Variants in IKZF5 observed in about 807,000 individuals in gnomAD.
The protein encoded by IKZF5 is IKAROS family zinc finger 5, also known as zinc finger protein Pegasus.
A neutral mutation model predicts 30.7 loss-of-function variants in IKZF5; 4 were observed. The observed-to-expected ratio is 0.13, with a 90% confidence interval of 0.06 to 0.30. The LOEUF is 0.30. Ranked by LOEUF, IKZF5 falls within the 10% of genes least tolerant of loss-of-function variation. IKZF5 has a pLI of 1.00. For synonymous variants in IKZF5, 148 were observed against 179.6 expected, an observed-to-expected ratio of 0.82 and a Z score of 1.41; for missense variants, 348 against 525.5, an observed-to-expected ratio of 0.66 and a Z score of 3.30.
At chr10:123,007,390 C>T (rs1257761932) in intron 1 of IKZF5, among the ~76,000 whole-genome samples, 1 of 152,192 alleles carries the variant, frequency 6.6e-6, no homozygotes, top group East Asian at 1.9e-4. Flanking sequence ...GGTGTGACTA[C>T]CGTTTTCTCA....
At chr10:123,005,436 A>C (rs549510491) in intron 2 of IKZF5, among the ~76,000 whole-genome samples, 2 of 152,366 alleles carry the variant, frequency 1.3e-5, no homozygotes, top group East Asian at 3.9e-4. Context: ...TAGCCAAAAA[A>C]TTACTTACTT....
intron 2 of IKZF5, among the ~76,000 whole-genome samples, chr10:123,006,393 CAT>C (rs1470892147): frequency 6.6e-6 from 1 of 152,138 alleles, no homozygotes; most frequent in African/African-American, 2.4e-5. Flanking sequence ...CACACAATTA[CAT>C]GTGTGTATAT....
At chr10:123,004,981 G>A (rs932978770) in intron 2 of IKZF5, among the ~76,000 whole-genome samples, 6 of 152,052 alleles carry the variant, frequency 3.9e-5, no homozygotes, top group Non-Finnish European at 5.9e-5. Context: ...ATAATAAATT[G>A]AAAAATAGTA....
chr10:122,996,929 A>G (rs995401160), intron 3 of IKZF5, among the ~76,000 whole-genome samples: 1 of 152,158 alleles, frequency 6.6e-6, no homozygotes, highest in African/African-American at 2.4e-5. Context: ...AGCAGTGAAT[A>G]AGTTTTCCAC....
intron 3 of IKZF5, chr10:122,998,255 G>C (rs1589717988): frequency 2.8e-6 from 1 of 353,952 alleles, no homozygotes; most frequent in East Asian, 4.5e-5. Flanking sequence ...TGGAGGACAG[G>C]AAGGGTATTT....
chr10:123,001,284 A>G lies in IKZF5; in HGVS notation c.-46-2613T>C, dbSNP rs551243181. 3.9e-5 allele frequency among the ~76,000 whole-genome samples: 6 copies of G among 152,082 alleles called. No homozygotes were observed. In the South Asian group the frequency reaches 1.2e-3, roughly 32 times the overall value. On this transcript the variant is annotated intron_variant, in intron 2 of 4. Coordinates refer to ENST00000368886, the MANE Select transcript of IKZF5 (RefSeq NM_001372123.1). ...GCCTCCCAAAGGGCTGGGATTACAG[A>G]CGTGAGCCACTGCGCCCGGCCTTCA...
At position 122,993,642 on chromosome 10, in the gene IKZF5, A is replaced by G; in HGVS notation, c.*138T>C. 1 of 535,200 alleles carries G rather than the reference A, an allele frequency of 1.9e-6. No individual in the cohort carries two copies. Among genetic ancestry groups the G allele is most frequent in the Non-Finnish European group, 3.2e-6 (1 of 315,968 alleles). The allele number at this position is 535,200 out of a possible 1,614,324, so 33.2% of individuals were successfully genotyped here. On this transcript the variant is annotated 3_prime_UTR_variant, in exon 5 of 5. Coordinates refer to ENST00000368886, the MANE Select transcript of IKZF5 (RefSeq NM_001372123.1). The stretch of plus-strand genomic sequence containing the variant: ...TGAAAAAAAGGGGAAATTTTATTCC[A>G]CTGACAAATTTATATTCTATAAATA...
chr10:123,002,075 T>A (rs1316801869), intron 2 of IKZF5, among the ~76,000 whole-genome samples: 1 of 152,236 alleles, frequency 6.6e-6, no homozygotes, highest in Non-Finnish European at 1.5e-5. Context: ...CTTCTTGTCT[T>A]CTCTCTTCAC....
intron 3 of IKZF5, among the ~76,000 whole-genome samples, chr10:122,997,914 C>T (rs1849435805): frequency 6.6e-6 from 1 of 152,152 alleles, no homozygotes; most frequent in Admixed American, 6.5e-5. Flanking sequence ...GCAGGCCATA[C>T]AAAAACAGCA....
chr10:122,996,467 A>AC (rs1849376053), intron 3 of IKZF5, among the ~76,000 whole-genome samples: 1 of 151,546 alleles, frequency 6.6e-6, no homozygotes, highest in African/African-American at 2.4e-5. Context: ...AGGTGGGGGG[A>AC]TAGCTTGAGG....
At position 122,993,531 on chromosome 10, in the gene IKZF5, A is replaced by G; in HGVS notation, c.*249T>C. On this transcript the variant is annotated 3_prime_UTR_variant, in exon 5 of 5. Transcript: ENST00000368886. ...CTTGTAAGATTATGACTGCACTCCA[A>G]TTCTCCAATGTCGAAAGGAAAGGAA... is the stretch of plus-strand genomic sequence containing the variant. 3.3e-6 allele frequency: 1 copy of G among 302,146 alleles called. No individual in the cohort carries two copies. Among genetic ancestry groups the G allele is most frequent in the East Asian group, 5.8e-5 (1 of 17,324 alleles). The allele number at this position is 302,146 out of a possible 1,614,324, so 18.7% of individuals were successfully genotyped here. A position where few individuals can be genotyped will look rare whatever the true frequency, so the allele number is the denominator to read the frequency against.
In IKZF5 at chr10:122,992,233, G is replaced by A. The variant is rs1849187707; in HGVS notation, c.*1547C>T. 6.6e-6 allele frequency: 1 copy of A among 152,212 alleles called. No individual in the cohort carries two copies. The highest frequency in any genetic ancestry group is 6.5e-5 in the Admixed American group (1 of 15,280). 9.4% of individuals were successfully genotyped at this position (152,212 alleles called of 1,614,324 possible). On this transcript the variant is annotated 3_prime_UTR_variant, in exon 5 of 5. Coordinates refer to ENST00000368886, the MANE Select transcript of IKZF5 (RefSeq NM_001372123.1). ...AAGAACTCATTACAGTGGCTTTCTAGCATCTGAAAGGGAAAGCAGAGATTC... is the reference window on the plus strand; with the variant it reads ...AAGAACTCATTACAGTGGCTTTCTAACATCTGAAAGGGAAAGCAGAGATTC...
At position 122,991,087 on chromosome 10, in the gene IKZF5, A is replaced by G. The variant is rs1312655637; in HGVS notation, c.*2693T>C. 1 of 152,122 alleles carries G rather than the reference A, an allele frequency of 6.6e-6. No homozygotes were observed. The highest frequency in any genetic ancestry group is 2.4e-5 in the African/African-American group (1 of 41,422). 9.4% of individuals were successfully genotyped at this position (152,122 alleles called of 1,614,324 possible). A position where few individuals can be genotyped will look rare whatever the true frequency, so the allele number is the denominator to read the frequency against. ...AAAAAAAATTAACATTCATTTGATA[A>G]ATATTTTGTAGAACTTGAAATGAGG... On this transcript the variant is annotated 3_prime_UTR_variant, in exon 5 of 5. Transcript: ENST00000368886.
At chr10:123,005,835 C>T (rs1286268586) in intron 2 of IKZF5, among the ~76,000 whole-genome samples, 1 of 152,186 alleles carries the variant, frequency 6.6e-6, no homozygotes, top group African/African-American at 2.4e-5. Flanking sequence ...GCCTCCAGAA[C>T]TGTGAGAAAT....
rs751265429 is a variant in IKZF5 at position 122,993,757 on chromosome 10, A to C, written c.*23T>G. On this transcript the variant is annotated 3_prime_UTR_variant, in exon 5 of 5. Coordinates refer to ENST00000368886, the MANE Select transcript of IKZF5 (RefSeq NM_001372123.1). Reference sequence around the variant, plus strand: ...ACCAAACCACAAAAACAGCAAAACTAAGTAAAATATGACTATTTTCAATCA... The same window carrying C: ...ACCAAACCACAAAAACAGCAAAACTCAGTAAAATATGACTATTTTCAATCA... The C allele has an allele frequency of 6.6e-7, 1 of 1,522,166 alleles. No homozygotes were observed. Among genetic ancestry groups the C allele is most frequent in the Non-Finnish European group, 8.9e-7 (1 of 1,125,912 alleles). The allele number at this position is 1,522,166 out of a possible 1,614,324, so 94.3% of individuals were successfully genotyped here.
chr10:122,993,689 G>T lies in IKZF5; in HGVS notation c.*91C>A. The T allele has an allele frequency of 1.4e-6, 1 of 730,934 alleles. No homozygotes were observed. The highest frequency in any genetic ancestry group is 2.3e-6 in the Non-Finnish European group (1 of 442,022). The allele number at this position is 730,934 out of a possible 1,614,324, so 45.3% of individuals were successfully genotyped here. The stretch of plus-strand genomic sequence containing the variant: ...AATATAATGTATAAGCCTTGAATTA[G>T]CAGACACTTTATTAGGGATGACCAA... On this transcript the variant is annotated 3_prime_UTR_variant, in exon 5 of 5. Coordinates refer to ENST00000368886, the MANE Select transcript of IKZF5 (RefSeq NM_001372123.1).
rs534220807 is a variant in IKZF5 at position 123,002,204 on chromosome 10, C to T, written c.-46-3533G>A. Reference sequence around the variant, plus strand: ...TCCTTTCCTCCCTTTTTAGAAGCTACGGTAGTTCTAGGGGCTTTTAAAAAT... The same window carrying T: ...TCCTTTCCTCCCTTTTTAGAAGCTATGGTAGTTCTAGGGGCTTTTAAAAAT... On this transcript the variant is annotated intron_variant, in intron 2 of 4. Transcript: ENST00000368886. 3.3e-5 allele frequency among the ~76,000 whole-genome samples: 5 copies of T among 152,210 alleles called. No individual in the cohort carries two copies. In the South Asian group the frequency reaches 8.3e-4, roughly 25 times the overall value.
chr10:123,002,051 A>T (rs1056308743), intron 2 of IKZF5, among the ~76,000 whole-genome samples: 1 of 152,162 alleles, frequency 6.6e-6, no homozygotes, highest in African/African-American at 2.4e-5. Flanking sequence ...AGACTGATCT[A>T]TCTTATTTTC....
intron 1 of IKZF5, 58 bp downstream of exon 1, chr10:123,008,633 CCTT>C: frequency 3.0e-6 from 1 of 328,924 alleles, no homozygotes; most frequent in East Asian, 7.0e-5. Flanking sequence ...TCCGGCCGCT[CCTT>C]CTTATCCGCC....
Sources: allele counts gnomAD v4.1 joint callset (sites outside exome capture counted in the v4.1 genomes callset), GRCh38; gene constraint gnomAD v4.1.1; transcripts MANE v1.5; gene names NCBI Gene and HGNC (gene_info 2026-07-23, HGNC 2026-07-21).